The following PRAP1 variants were observed in gnomAD, a reference collection of about 807,000 sequenced individuals.
The protein encoded by PRAP1 is proline rich acidic protein 1.
In PRAP1, 12 loss-of-function variants were observed where a neutral mutation model predicts 14.6. That is an observed-to-expected ratio of 0.82 (90% CI 0.53 to 1.33). The LOEUF (loss-of-function observed/expected upper bound fraction) is 1.33, where lower values mean the gene tolerates loss of function less well. Ranked by LOEUF, PRAP1 falls within the 40% of genes most tolerant of loss-of-function variation. PRAP1 has a pLI of 0.00. For synonymous variants in PRAP1, 81 were observed against 80.3 expected, an observed-to-expected ratio of 1.01 and a Z score of -0.04; for missense variants, 160 against 193.7, an observed-to-expected ratio of 0.83 and a Z score of 1.03.
chr10:133,348,541 G>A (rs950173832), intron 1 of PRAP1, among the ~76,000 whole-genome samples: 6 of 150,746 alleles, frequency 4.0e-5, no homozygotes, highest in Non-Finnish European at 5.9e-5. Flanking sequence ...AGAGTGTCTC[G>A]CTCTGTCGCC....
chr10:133,350,266 A>T, intron 2 of PRAP1, 105 bp downstream of exon 2: 5 of 1,016,214 alleles, frequency 4.9e-6, no homozygotes, highest in African/African-American at 1.6e-5. Context: ...TCAAACCCCA[A>T]GCTGGCTTAG....
intron 1 of PRAP1, among the ~76,000 whole-genome samples, chr10:133,348,212 C>T (rs1304376704): frequency 1.3e-5 from 2 of 152,154 alleles, no homozygotes; most frequent in African/African-American, 4.8e-5. Context: ...CCAGGCAGCA[C>T]GGCAGTGGGA....
At chr10:133,349,941 G>C (rs189392101) in intron 1 of PRAP1, among the ~76,000 whole-genome samples, 154 bp from the exon 2 acceptor site, 1 of 152,192 alleles carries the variant, frequency 6.6e-6, no homozygotes. Flanking sequence ...CTGTGCCTGC[G>C]TGTCTTGGCC....
chr10:133,352,255 G>C lies in PRAP1; in HGVS notation c.271G>C (p.Ala91Pro). The C allele has an allele frequency of 6.2e-7, 1 of 1,613,000 alleles. No homozygotes were observed. Among genetic ancestry groups the C allele is most frequent in the Non-Finnish European group, 8.5e-7 (1 of 1,179,908 alleles). ...CATGTGCTTGTCCCTAGGCACCAAG[G>C]CCTGGATGGAGACCGAGGACACCCT... ...GRGPILPGTKAWMETEDTLGH... is the reference protein window; with the variant it reads ...GRGPILPGTKPWMETEDTLGH... The change falls in exon 5 of 5, where the codon GCC (alanine) becomes CCC (proline). Residue 91 changes from alanine to proline, a missense_variant. Coordinates refer to ENST00000433452, the MANE Select transcript of PRAP1 (RefSeq NM_145202.5).
chr10:133,348,402 C>T (rs1326592008), intron 1 of PRAP1, among the ~76,000 whole-genome samples: 2 of 152,192 alleles, frequency 1.3e-5, no homozygotes, highest in Non-Finnish European at 2.9e-5. Flanking sequence ...GGGCAAAGGT[C>T]CCTGTGGAGC....
Position 133,350,289 on chromosome 10 carries a change from T to C in PRAP1, c.75+128T>C, listed in dbSNP as rs1848656834. 3 of 776,546 alleles carry C rather than the reference T, an allele frequency of 3.9e-6. No individual in the cohort carries two copies. The South Asian group carries it at 5.1e-5, about 13-fold the overall frequency. 48.1% of individuals were successfully genotyped at this position (776,546 alleles called of 1,614,324 possible). ...CAAGCTGGCTTAGGGGAGAGAGGCA[T>C]GGGTACGCTCATGACTCTTGATGCC... On this transcript the variant is annotated intron_variant, in intron 2 of 4. Coordinates refer to ENST00000433452, the MANE Select transcript of PRAP1 (RefSeq NM_145202.5).
chr10:133,351,338 C>A lies in PRAP1; in HGVS notation c.76-43C>A. ...AACCTCTCCCCAGGTGTCCTCCACC[C>A]GCGTGGACTGTGGCCCAGCCCACAC... On this transcript the variant is annotated intron_variant, in intron 2 of 4. Transcript: ENST00000433452. The surrounding 1 kb of genome is among the most constrained non-coding windows in gnomAD (Gnocchi z 4.3). 2 of 1,571,018 alleles carry A rather than the reference C, an allele frequency of 1.3e-6. No homozygotes were observed. Among genetic ancestry groups the A allele is most frequent in the Non-Finnish European group, 1.7e-6 (2 of 1,147,846 alleles).
At chr10:133,349,346 G>A (rs1028144784) in intron 1 of PRAP1, among the ~76,000 whole-genome samples, 2 of 148,712 alleles carry the variant, frequency 1.3e-5, no homozygotes, top group Non-Finnish European at 3.0e-5. Context: ...ACGCACCCCC[G>A]AACTCACACA....
chr10:133,350,970 C>T (rs952648065), intron 2 of PRAP1, among the ~76,000 whole-genome samples: 20 of 129,632 alleles, frequency 1.5e-4, no homozygotes, highest in African/African-American at 3.5e-4. Context: ...GGGCTCAGAG[C>T]GGCTGACCGC....
intron 1 of PRAP1, among the ~76,000 whole-genome samples, chr10:133,349,226 T>G (rs1173133753): frequency 6.9e-6 from 1 of 144,552 alleles, no homozygotes; most frequent in African/African-American, 2.6e-5. Context: ...ATCCAACACA[T>G]ACATGCACAC....
In PRAP1 at chr10:133,347,493, A is replaced by G; in HGVS notation, c.8+68A>G. ...ACCTGGAGGCCTGGCCCTTAGCCAG[A>G]GGGGGCCCAGCTGTGCTGCGCTCCA... On this transcript the variant is annotated intron_variant, in intron 1 of 4. Coordinates refer to ENST00000433452, the MANE Select transcript of PRAP1 (RefSeq NM_145202.5). The surrounding 1 kb of genome is among the most constrained non-coding windows in gnomAD (Gnocchi z 5.0). 1.3e-6 allele frequency: 2 copies of G among 1,522,966 alleles called. No homozygotes were observed. Among genetic ancestry groups the G allele is most frequent in the Non-Finnish European group, 8.9e-7 (1 of 1,118,570 alleles). 94.3% of individuals were successfully genotyped at this position (1,522,966 alleles called of 1,614,324 possible).
At position 133,352,353 on chromosome 10, in the gene PRAP1, G is replaced by A. The variant is rs751855968; in HGVS notation, c.369G>A (p.Glu123=). The change falls in exon 5 of 5, where the codon GAG becomes GAA. Residue 123 remains glutamate (E), a synonymous_variant. Coordinates refer to ENST00000433452, the MANE Select transcript of PRAP1 (RefSeq NM_145202.5). ...YHPPPEEDQG[E]ERPRLWVMPN... ...CTCCGCCTGAGGAGGACCAGGGCGAGGAGAGGCCCCGGTTGTGGGTGATGC... is the reference window on the plus strand; with the variant it reads ...CTCCGCCTGAGGAGGACCAGGGCGAAGAGAGGCCCCGGTTGTGGGTGATGC... 3.7e-6 allele frequency: 6 copies of A among 1,613,062 alleles called. No individual in the cohort carries two copies. Among genetic ancestry groups the A allele is most frequent in the Middle Eastern group, 1.6e-4 (1 of 6,084 alleles).
intron 1 of PRAP1, among the ~76,000 whole-genome samples, chr10:133,349,200 C>G (rs72864802): frequency 2.3e-3 from 347 of 151,656 alleles, no homozygotes; most frequent in Non-Finnish European, 3.6e-3. Flanking sequence ...CCACCCCACA[C>G]ACAACATACA....
At chr10:133,349,540 C>T (rs1203071623) in intron 1 of PRAP1, among the ~76,000 whole-genome samples, 3 of 152,216 alleles carry the variant, frequency 2.0e-5, no homozygotes, top group East Asian at 1.9e-4. Flanking sequence ...ACACACATCC[C>T]GTGTCCGAAC....
chr10:133,347,561 A>T lies in PRAP1; in HGVS notation c.8+136A>T, dbSNP rs1031400621. The stretch of plus-strand genomic sequence containing the variant: ...GAGTGTGCGGGTGGGAGGGAGAAGG[A>T]GGGGCCCTCTGAGGGTCTGGGGTCT... On this transcript the variant is annotated intron_variant, in intron 1 of 4. Coordinates refer to ENST00000433452, the MANE Select transcript of PRAP1 (RefSeq NM_145202.5). The surrounding 1 kb of genome is among the most constrained non-coding windows in gnomAD (Gnocchi z 5.0). 1.1e-6 allele frequency: 1 copy of T among 896,904 alleles called. No homozygotes were observed. 55.6% of individuals were successfully genotyped at this position (896,904 alleles called of 1,614,324 possible).
In PRAP1 at chr10:133,352,020, C is replaced by G; in HGVS notation, c.142C>G (p.Arg48Gly). 1 of 1,612,716 alleles carries G rather than the reference C, an allele frequency of 6.2e-7. No individual in the cohort carries two copies. The highest frequency in any genetic ancestry group is 1.1e-5 in the South Asian group (1 of 91,060). The change falls in exon 4 of 5, where the codon CGT (arginine) becomes GGT (glycine). Residue 48 changes from arginine (R) to glycine (G), a missense_variant. Coordinates refer to ENST00000433452, the MANE Select transcript of PRAP1 (RefSeq NM_145202.5). ...CTGTGCCAGCAGGGCCTGGGGCGCC[C>G]GTGTGGTGGAGCCTCCGGAGAAGGA... ...EQDPEKAWGARVVEPPEKDDQ... is the reference protein window; with the variant it reads ...EQDPEKAWGAGVVEPPEKDDQ...
intron 1 of PRAP1, among the ~76,000 whole-genome samples, chr10:133,348,672 C>G (rs1441724632): frequency 7.5e-6 from 1 of 132,992 alleles, no homozygotes; most frequent in African/African-American, 2.7e-5. Context: ...TGCCACCACG[C>G]CTGGCTAATT....
chr10:133,349,860 T>TCTGGGG (rs1478780112), intron 1 of PRAP1, among the ~76,000 whole-genome samples: 1 of 152,098 alleles, frequency 6.6e-6, no homozygotes, highest in African/African-American at 2.4e-5. Context: ...AGGAGCAGAG[T>TCTGGGG]CTGGGGCTGG....
intron 2 of PRAP1, among the ~76,000 whole-genome samples, chr10:133,350,978 C>T (rs185598316): frequency 1.5e-4 from 22 of 150,972 alleles, no homozygotes; most frequent in African/African-American, 1.5e-4. Context: ...AGCGGCTGAC[C>T]GCGTTCTCTC....
Sources: gnomAD v4.1 joint callset for allele counts (sites outside exome capture counted in the v4.1 genomes callset) on GRCh38, gnomAD v4.1.1 for gene constraint, Gnocchi (gnomAD v3.1) non-coding constraint, MANE v1.5 for transcripts, NCBI Gene and HGNC (gene_info 2026-07-23, HGNC 2026-07-21) for gene names.